HDAC9: variants seen among roughly 807,000 people sequenced by gnomAD.
HDAC9 encodes the protein MEF-2 interacting transcription repressor (MITR) protein.
HDAC9 carries 41 observed loss-of-function variants against 139.4 expected under a neutral mutation model. That is an observed-to-expected ratio of 0.29 (90% confidence interval 0.23 to 0.38). The LOEUF is 0.38. Ranked by LOEUF, HDAC9 falls within the 10% of genes least tolerant of loss-of-function variation. The pLI is 1.00. For synonymous variants in HDAC9, 517 were observed against 476.2 expected, an observed-to-expected ratio of 1.09 and a Z score of -1.12; for missense variants, 1,147 against 1,297.0, an observed-to-expected ratio of 0.88 and a Z score of 1.78.
intron 6 of HDAC9, among the ~76,000 whole-genome samples, chr7:18,608,932 T>C (rs922603222): frequency 6.6e-6 from 1 of 152,208 alleles, no homozygotes; most frequent in East Asian, 1.9e-4. Flanking sequence ...TTTCAGATTA[T>C]AGGCATTCTT....
intron 2 of HDAC9, among the ~76,000 whole-genome samples, chr7:18,276,193 C>T (rs11982853): frequency 0.011 from 1,713 of 152,172 alleles, 25 homozygotes; most frequent in African/African-American, 0.038. Context: ...TATACTATAG[C>T]TTGACTCCAT....
intron 2 of HDAC9, among the ~76,000 whole-genome samples, chr7:18,248,445 C>G (rs1193207361): frequency 2.0e-5 from 3 of 152,108 alleles, no homozygotes; most frequent in Admixed American, 6.5e-5. Flanking sequence ...GTAGCTGTAT[C>G]ATAAAGGGGA....
intron 20 of HDAC9, 81 bp downstream of exon 20, chr7:18,835,667 G>A (rs760469498): frequency 3.8e-6 from 6 of 1,560,788 alleles, no homozygotes; most frequent in Non-Finnish European, 5.3e-6. Flanking sequence ...TAATTTTCTT[G>A]TCCTTTGCTG....
rs1171055959 is a variant in HDAC9, at chr7:18,946,036, CAAAAAAAAAAAAAAAAAAAAA to C, written c.2938-8092_2938-8072del. On this transcript the variant is annotated intron_variant, in intron 23 of 25. Transcript: ENST00000686413. ...TGGGTGATAGTACAAGACTCCGTCT[CAAAAAAAAAAAAAAAAAAAAA>C]AAAAAAAAAAAAAAAAAGACCATCC... Among the ~76,000 whole-genome samples the C allele has an allele frequency of 4.0e-3, 153 of 38,274 alleles. 4 individuals carry two copies. The East Asian group carries it at 0.18, about 45-fold the overall frequency. 25.1% of individuals were successfully genotyped at this position (38,274 alleles called of 152,430 possible).
intron 2 of HDAC9, among the ~76,000 whole-genome samples, chr7:18,182,658 A>G (rs1179730025): frequency 6.6e-6 from 1 of 152,194 alleles, no homozygotes; most frequent in African/African-American, 2.4e-5. Context: ...ACAGACGGGA[A>G]ATTGAGACTT....
chr7:18,564,088 G>C (rs1465084738), intron 2 of HDAC9, among the ~76,000 whole-genome samples: 1 of 152,034 alleles, frequency 6.6e-6, no homozygotes, highest in Non-Finnish European at 1.5e-5. Context: ...GCCCGCCCCG[G>C]CCTCCCAAAG....
At chr7:18,593,869 A>C (rs1157554874) in intron 5 of HDAC9, 39 bp from the exon 6 acceptor site, 14 of 1,610,340 alleles carry the variant, frequency 8.7e-6, no homozygotes, top group Non-Finnish European at 1.2e-5. Context: ...TGCAGTAAAA[A>C]CTACCAAGTA....
chr7:18,749,554 C>A (rs958852276), intron 14 of HDAC9, among the ~76,000 whole-genome samples: 2 of 152,140 alleles, frequency 1.3e-5, no homozygotes, highest in African/African-American at 4.8e-5. Context: ...ATCAACTGTC[C>A]TCTTACCACT....
At chr7:18,605,945 G>A (rs1835370142) in intron 6 of HDAC9, among the ~76,000 whole-genome samples, 1 of 152,150 alleles carries the variant, frequency 6.6e-6, no homozygotes, top group Non-Finnish European at 1.5e-5. Context: ...CTCCGAAAGT[G>A]CTGGGATTAC....
chr7:18,657,562 A>T (rs1243641707), intron 11 of HDAC9, among the ~76,000 whole-genome samples: 1 of 152,190 alleles, frequency 6.6e-6, no homozygotes, highest in Admixed American at 6.5e-5. Flanking sequence ...GGTAATTTTT[A>T]AAAGGACATA....
At chr7:18,095,625 G>A (rs890784185) in intron 1 of HDAC9, among the ~76,000 whole-genome samples, 40 of 152,168 alleles carry the variant, frequency 2.6e-4, no homozygotes, top group African/African-American at 8.7e-4. Context: ...CTACAGGTCT[G>A]TACAGTATGA....
At chr7:18,374,181 T>C (rs186437748) in intron 1 of HDAC9, among the ~76,000 whole-genome samples, 1 of 149,262 alleles carries the variant, frequency 6.7e-6, no homozygotes, top group African/African-American at 2.5e-5. Flanking sequence ...TGCATAAATC[T>C]AGTGTGTATG....
rs150009388 is a variant in HDAC9 at position 18,808,898 on chromosome 7, A to G, written c.2322+15446A>G. Among the ~76,000 whole-genome samples the G allele has an allele frequency of 4.8e-3, 724 of 152,198 alleles. 5 individuals are homozygous for G. The highest frequency in any genetic ancestry group is 0.016 in the African/African-American group (682 of 41,548). On this transcript the variant is annotated intron_variant, in intron 17 of 25. Transcript: ENST00000686413. Reference sequence around the variant, plus strand: ...CAAAACAAACAACAACAACAACAACAAAAACGAAGATGAAGACATCACACT... The same window carrying G: ...CAAAACAAACAACAACAACAACAACGAAAACGAAGATGAAGACATCACACT...
intron 2 of HDAC9, among the ~76,000 whole-genome samples, chr7:18,564,982 T>C (rs935524996): frequency 1.3e-5 from 2 of 149,840 alleles, no homozygotes; most frequent in Non-Finnish European, 3.0e-5. Flanking sequence ...TTTATTTATT[T>C]ATTTATTTAT....
chr7:18,992,828 G>T (rs1041071402), intron 25 of HDAC9, among the ~76,000 whole-genome samples: 42 of 152,050 alleles, frequency 2.8e-4, no homozygotes, highest in African/African-American at 1.0e-3. Context: ...ACATTGACTT[G>T]CTGGAGGGAA....
intron 2 of HDAC9, among the ~76,000 whole-genome samples, chr7:18,224,546 G>T (rs547320813): frequency 6.6e-6 from 1 of 152,104 alleles, no homozygotes; most frequent in Non-Finnish European, 1.5e-5. Flanking sequence ...GCCACCCAGC[G>T]TGGGTGCTTG....
chr7:18,255,237 A>G (rs926034980), intron 2 of HDAC9, among the ~76,000 whole-genome samples: 1 of 152,214 alleles, frequency 6.6e-6, no homozygotes, highest in African/African-American at 2.4e-5. Context: ...ATATTCATAC[A>G]CAAGAAAAAT....
chr7:18,945,287 C>T (rs1362539807), intron 23 of HDAC9, among the ~76,000 whole-genome samples: 1 of 152,172 alleles, frequency 6.6e-6, no homozygotes, highest in African/African-American at 2.4e-5. Flanking sequence ...TGCGGTAAAG[C>T]AGTTCTTCAT....
chr7:18,502,304 A>G (rs940978610), intron 2 of HDAC9: 5 of 152,164 alleles, frequency 3.3e-5, no homozygotes, highest in African/African-American at 4.8e-5. Flanking sequence ...CCTTTATTCT[A>G]TATTGACTAG....
Sources: gnomAD v4.1 joint callset for allele counts (sites outside exome capture counted in the v4.1 genomes callset) on GRCh38, gnomAD v4.1.1 for gene constraint, MANE v1.5 for transcripts, NCBI Gene and HGNC (gene_info 2026-07-23, HGNC 2026-07-21) for gene names.